The following GLIS3 variants were observed in gnomAD, a reference collection of about 807,000 sequenced individuals.
GLIS3 encodes zinc finger protein GLIS3.
GLIS3 carries 53 observed loss-of-function variants against 78.6 expected under a neutral mutation model. The ratio of observed to expected loss-of-function variants is 0.67; its 90% CI spans 0.54 to 0.85. The LOEUF is 0.85. GLIS3 is among the 40% of genes least tolerant of loss of function. GLIS3 has a pLI of 0.00. For synonymous variants in GLIS3, 684 were observed against 509.9 expected (o/e 1.34, Z -4.60); for missense variants, 1,703 against 1,231.1 (o/e 1.38, Z -5.74).
intron 9 of GLIS3, 120 bp from the exon 10 acceptor site, chr9:3,829,612 A>C: frequency 2.2e-6 from 2 of 920,016 alleles, no homozygotes; most frequent in East Asian, 2.6e-5. Flanking sequence ...TTAACTCTTA[A>C]GGCCACCTGT....
At chr9:4,063,291 C>G (rs1323432975) in intron 4 of GLIS3, among the ~76,000 whole-genome samples, 1 of 152,002 alleles carries the variant, frequency 6.6e-6, no homozygotes, top group Non-Finnish European at 1.5e-5. Flanking sequence ...TGATGGATAA[C>G]TCAATATGGA....
intron 6 of GLIS3, among the ~76,000 whole-genome samples, chr9:3,931,822 C>G (rs953440572): frequency 6.6e-6 from 1 of 152,160 alleles, no homozygotes; most frequent in African/African-American, 2.4e-5. Context: ...AAGTTCAATT[C>G]CTTTTTCAGA....
At chr9:3,932,577 G>C (rs1825686316) in intron 5 of GLIS3, 107 bp from the exon 6 acceptor site, 4 of 815,300 alleles carry the variant, frequency 4.9e-6, no homozygotes, top group Middle Eastern at 2.2e-4. Context: ...GTTACCAATT[G>C]ACTGATGTGA....
At position 4,084,256 on chromosome 9, in the gene GLIS3, AACACACAC is replaced by A. The variant is rs370384726; in HGVS notation, c.1710+33504_1710+33511del. Among the ~76,000 whole-genome samples, 147 of 132,202 alleles carry A rather than the reference AACACACAC, an allele frequency of 1.1e-3. 1 individual carries two copies. The East Asian group carries it at 0.02, about 18-fold the overall frequency. 86.7% of individuals were successfully genotyped at this position (132,202 alleles called of 152,430 possible). A position where few individuals can be genotyped will look rare whatever the true frequency, so the allele number is the denominator to read the frequency against. ...CTCTCTCTCCTTCCTTCCTCTCTCT[AACACACAC>A]ACACACACACACACACACACACACA... is the stretch of plus-strand genomic sequence containing the variant. On this transcript the variant is annotated intron_variant, in intron 4 of 10. Transcript: ENST00000381971.
At chr9:3,983,026 G>A (rs530666546) in intron 4 of GLIS3, among the ~76,000 whole-genome samples, 1 of 152,308 alleles carries the variant, frequency 6.6e-6, no homozygotes, top group Non-Finnish European at 1.5e-5. Flanking sequence ...CCTGCACATG[G>A]AGCTTGATGT....
chr9:3,904,641 C>A (rs947319720), intron 6 of GLIS3, among the ~76,000 whole-genome samples: 2 of 152,144 alleles, frequency 1.3e-5, no homozygotes, highest in African/African-American at 4.8e-5. Flanking sequence ...CAGAAAAGGG[C>A]TGGATGTGCA....
chr9:3,920,006 T>G (rs949539556), intron 6 of GLIS3, among the ~76,000 whole-genome samples: 10 of 147,882 alleles, frequency 6.8e-5, no homozygotes, highest in South Asian at 2.2e-4. Context: ...TACAGTTTTT[T>G]TTTTTTTTTT....
At chr9:3,969,541 A>G (rs776145687) in intron 4 of GLIS3, among the ~76,000 whole-genome samples, 5 of 152,254 alleles carry the variant, frequency 3.3e-5, no homozygotes, top group Non-Finnish European at 7.3e-5. Context: ...TCATGAAAGC[A>G]GAGATCTCAG....
At chr9:3,981,074 G>C (rs1430545877) in intron 4 of GLIS3, among the ~76,000 whole-genome samples, 1 of 152,132 alleles carries the variant, frequency 6.6e-6, no homozygotes, top group Non-Finnish European at 1.5e-5. Context: ...CTGAGAGGAG[G>C]GGGTCAGCAG....
intron 2 of GLIS3, among the ~76,000 whole-genome samples, chr9:4,248,796 T>TGGTA (rs1264667130): frequency 3.3e-5 from 5 of 152,230 alleles, no homozygotes; most frequent in Admixed American, 6.5e-5. Flanking sequence ...TGGCATGAGA[T>TGGTA]GGTATCTCAC....
At chr9:4,034,617 C>G (rs1588500797) in intron 4 of GLIS3, 1 of 152,344 alleles carries the variant, frequency 6.6e-6, no homozygotes, top group East Asian at 1.9e-4. Flanking sequence ...TCTGCTGCTG[C>G]TTTTGCAGAC....
chr9:3,855,033 T>C (rs1356716969), intron 9 of GLIS3, among the ~76,000 whole-genome samples: 7 of 152,206 alleles, frequency 4.6e-5, no homozygotes, highest in Non-Finnish European at 2.9e-5. Flanking sequence ...GACAGTAGTA[T>C]TTTTCAGAAG....
chr9:4,367,185 G>C, the GLIS3 span, among the ~76,000 whole-genome samples: 4 of 152,114 alleles, frequency 2.6e-5, no homozygotes, highest in Non-Finnish European at 5.9e-5. Context: ...ATCATGGCTT[G>C]TAAGCCGCCG....
chr9:3,986,080 A>G (rs1819719618), intron 4 of GLIS3, among the ~76,000 whole-genome samples: 1 of 152,226 alleles, frequency 6.6e-6, no homozygotes, highest in Non-Finnish European at 1.5e-5. Context: ...TAAATTACAG[A>G]ATAATTTGTG....
chr9:3,887,318 A>G (rs1350732872), intron 7 of GLIS3, among the ~76,000 whole-genome samples: 1 of 152,200 alleles, frequency 6.6e-6, no homozygotes, highest in African/African-American at 2.4e-5. Context: ...CACCAAGACA[A>G]AGGAAACATA....
chr9:4,081,119 C>A (rs1302636688), intron 4 of GLIS3: 1 of 152,242 alleles, frequency 6.6e-6, no homozygotes, highest in Non-Finnish European at 1.5e-5. Flanking sequence ...CAATGAGCTT[C>A]ATATTCAGTG....
Position 4,286,443 on chromosome 9 carries a change from C to T in GLIS3, c.-18G>A, listed in dbSNP as rs773176071. The T allele has an allele frequency of 1.2e-6, 2 of 1,613,140 alleles. No individual in the cohort carries two copies. Among genetic ancestry groups the T allele is most frequent in the South Asian group, 2.2e-5 (2 of 91,026 alleles). Reference sequence around the variant, plus strand: ...CCATTCATTCTGAAAAACCTGTGGCCAAGACGGTCAAATATCCAATGTCAC... The same window carrying T: ...CCATTCATTCTGAAAAACCTGTGGCTAAGACGGTCAAATATCCAATGTCAC... On this transcript the variant is annotated 5_prime_UTR_variant, in exon 2 of 11. Transcript: ENST00000381971.
chr9:4,078,329 G>T (rs770502655), intron 4 of GLIS3, among the ~76,000 whole-genome samples: 1 of 152,134 alleles, frequency 6.6e-6, no homozygotes, highest in African/African-American at 2.4e-5. Context: ...TCCACCAGAT[G>T]CTTCTGCAAA....
intron 2 of GLIS3, among the ~76,000 whole-genome samples, chr9:4,190,473 G>A (rs1401675603): frequency 7.3e-6 from 1 of 137,130 alleles, no homozygotes; most frequent in East Asian, 2.2e-4. Context: ...GAGAAGGGAA[G>A]TTTAGAGAAA....
Sources: allele counts gnomAD v4.1 joint callset (sites outside exome capture counted in the v4.1 genomes callset), GRCh38; gene constraint gnomAD v4.1.1; transcripts MANE v1.5; gene names NCBI Gene and HGNC (gene_info 2026-07-23, HGNC 2026-07-21).